Variants in FUT9 observed in about 807,000 individuals in gnomAD.
The protein encoded by FUT9 is 4-galactosyl-N-acetylglucosaminide 3-alpha-L-fucosyltransferase 9.
A neutral mutation model predicts 29.7 loss-of-function variants in FUT9; 15 were observed. The observed-to-expected ratio is 0.51, with a 90% confidence interval of 0.34 to 0.78. The LOEUF is 0.78. Ranked by LOEUF, FUT9 falls within the 30% of genes least tolerant of loss-of-function variation. The pLI is 0.01. For synonymous variants in FUT9, 169 were observed against 153.7 expected (o/e 1.10, Z -0.74); for missense variants, 319 against 425.4 (o/e 0.75, Z 2.20).
At chr6:96,084,038 C>A (rs1465846504) in intron 1 of FUT9, among the ~76,000 whole-genome samples, 1 of 152,006 alleles carries the variant, frequency 6.6e-6, no homozygotes, top group Non-Finnish European at 1.5e-5. Context: ...TCAGAATGTA[C>A]TTGTCAATTG....
At chr6:96,117,720 A>G (rs1007436374) in intron 2 of FUT9, among the ~76,000 whole-genome samples, 1 of 152,216 alleles carries the variant, frequency 6.6e-6, no homozygotes, top group African/African-American at 2.4e-5. Flanking sequence ...AACTTGTACC[A>G]CATCAAGAAG....
intron 1 of FUT9, among the ~76,000 whole-genome samples, chr6:96,085,945 T>A (rs1038181639): frequency 1.3e-5 from 2 of 152,188 alleles, no homozygotes; most frequent in African/African-American, 4.8e-5. Context: ...CTTGTGGGCC[T>A]ATATGAAAGT....
At chr6:96,043,305 G>GAAC (rs11446196) in intron 1 of FUT9, among the ~76,000 whole-genome samples, 2 of 151,690 alleles carry the variant, frequency 1.3e-5, no homozygotes, top group Non-Finnish European at 2.9e-5. Context: ...CTCGCCTCGG[G>GAAC]TCCCAAAGTG....
At chr6:96,060,982 A>G (rs1770864179) in intron 1 of FUT9, among the ~76,000 whole-genome samples, 3 of 152,160 alleles carry the variant, frequency 2.0e-5, no homozygotes, top group African/African-American at 7.2e-5. Flanking sequence ...GTTAGTTTTG[A>G]CAAAGCAAAT....
chr6:96,093,910 A>C (rs1562122382), intron 1 of FUT9, among the ~76,000 whole-genome samples: 1 of 152,164 alleles, frequency 6.6e-6, no homozygotes, highest in East Asian at 1.9e-4. Context: ...AGTCAAAAAT[A>C]AAATCCACAT....
At chr6:96,077,070 T>C (rs907652350) in intron 1 of FUT9, among the ~76,000 whole-genome samples, 10 of 152,174 alleles carry the variant, frequency 6.6e-5, no homozygotes, top group Admixed American at 5.2e-4. Context: ...TTCCCCCAGA[T>C]TGACACCTCA....
rs988909793 is a variant in FUT9, at chr6:96,213,147, G to A, written c.*8912G>A. The stretch of plus-strand genomic sequence containing the variant: ...ATGTGGCCATGTCACTACAAGGGGT[G>A]GGGAAGAAGTTAATGTGTAATTGCT... On this transcript the variant is annotated 3_prime_UTR_variant, in exon 3 of 3. Coordinates refer to ENST00000302103, the MANE Select transcript of FUT9 (RefSeq NM_006581.4). 4.2e-5 allele frequency: 7 copies of A among 166,810 alleles called. No individual in the cohort carries two copies. Among genetic ancestry groups the A allele is most frequent in the African/African-American group, 1.7e-4 (7 of 41,404 alleles). The allele number at this position is 166,810 out of a possible 1,614,324, so 10.3% of individuals were successfully genotyped here.
intron 2 of FUT9, among the ~76,000 whole-genome samples, chr6:96,175,573 T>C (rs563473873): frequency 2.2e-4 from 33 of 152,344 alleles, no homozygotes; most frequent in Middle Eastern, 3.4e-3. Flanking sequence ...TTAATGTAGA[T>C]TTAATAGGCA....
rs777328984 is a variant in FUT9 at position 96,204,044 on chromosome 6, G to A, written c.889G>A (p.Glu297Lys). Residue 297 changes from glutamate (E) to lysine (K), a missense_variant, in exon 3 of 3, where the codon GAG becomes AAG. By Grantham distance (56) the Glu-to-Lys change is moderately conservative. Transcript: ENST00000302103. ...TGTGGAAGATTATAACTCTCCCAGTGAGCTAGCAAAGTATCTGAAGGAAGT... is the reference window on the plus strand; with the variant it reads ...TGTGGAAGATTATAACTCTCCCAGTAAGCTAGCAAAGTATCTGAAGGAAGT... ...IHVEDYNSPS[E>K]LAKYLKEVDK... 6.3e-7 allele frequency: 1 copy of A among 1,583,812 alleles called. No homozygotes were observed. Among genetic ancestry groups the A allele is most frequent in the East Asian group, 2.2e-5 (1 of 44,480 alleles).
chr6:96,042,264 C>T (rs951570183), intron 1 of FUT9, among the ~76,000 whole-genome samples: 1 of 152,174 alleles, frequency 6.6e-6, no homozygotes, highest in South Asian at 2.1e-4. Flanking sequence ...AAACCCTAAC[C>T]TTAAATATAA....
rs989822927 is a variant in FUT9, at chr6:96,203,764, C to G, written c.609C>G (p.Val203=). The change falls in exon 3 of 3, where the codon GTC becomes GTG. Residue 203 remains valine, a synonymous_variant. Transcript: ENST00000302103. ...ACTGGAACCCTGAGCATGCCAGAGT[C>G]AAGTATTACAATGAGCTAAGCAAAA... The part of the protein sequence containing the change: ...VSNWNPEHAR[V]KYYNELSKSI... 5 of 1,613,870 alleles carry G rather than the reference C, an allele frequency of 3.1e-6. No homozygotes were observed. Among genetic ancestry groups the G allele is most frequent in the Admixed American group, 1.7e-5 (1 of 59,922 alleles).
At chr6:96,101,176 T>A (rs757859776) in intron 1 of FUT9, among the ~76,000 whole-genome samples, 2 of 152,228 alleles carry the variant, frequency 1.3e-5, no homozygotes, top group Non-Finnish European at 1.5e-5. Flanking sequence ...TGTGTGGGCA[T>A]GTTTGTGTGG....
At chr6:96,176,628 T>A (rs1384953075) in intron 2 of FUT9, among the ~76,000 whole-genome samples, 2 of 152,164 alleles carry the variant, frequency 1.3e-5, no homozygotes, top group African/African-American at 4.8e-5. Flanking sequence ...CCAGATATTC[T>A]CTCCTTTCAC....
rs147874290 is a variant in FUT9, at chr6:96,188,200, A to C, written c.-8-14948A>C. ...CATAAAATAAATTTTCATTCATATAATTCATAGAAGTCTTTGCAACTGTTA... is the reference window on the plus strand; with the variant it reads ...CATAAAATAAATTTTCATTCATATACTTCATAGAAGTCTTTGCAACTGTTA... On this transcript the variant is annotated intron_variant, in intron 2 of 2. Coordinates refer to ENST00000302103, the MANE Select transcript of FUT9 (RefSeq NM_006581.4). Among the ~76,000 whole-genome samples, 470 of 152,214 alleles carry C rather than the reference A, an allele frequency of 3.1e-3. 1 individual carries two copies. The highest frequency in any genetic ancestry group is 0.01 in the African/African-American group (416 of 41,550).
At chr6:96,159,240 G>A (rs1772850198) in intron 2 of FUT9, among the ~76,000 whole-genome samples, 1 of 111,288 alleles carries the variant, frequency 9.0e-6, no homozygotes, top group South Asian at 2.3e-4. Context: ...AAAGACAGGA[G>A]TAGATGTGAA....
chr6:96,044,679 A>C (rs992301156), intron 1 of FUT9, among the ~76,000 whole-genome samples: 2 of 152,176 alleles, frequency 1.3e-5, no homozygotes, highest in Admixed American at 6.5e-5. Context: ...AGCTGAAATT[A>C]CATTATTTAG....
At chr6:96,156,059 A>T (rs2127978251) in intron 2 of FUT9, among the ~76,000 whole-genome samples, 1 of 152,334 alleles carries the variant, frequency 6.6e-6, no homozygotes, top group Admixed American at 6.5e-5. Context: ...TCATAGAAGT[A>T]ATAGTTATTT....
At chr6:96,120,582 C>G (rs1313504808) in intron 2 of FUT9, among the ~76,000 whole-genome samples, 1 of 132,130 alleles carries the variant, frequency 7.6e-6, no homozygotes, top group Non-Finnish European at 1.5e-5. Flanking sequence ...CGTGCCTGGG[C>G]AAGACCACCT....
At chr6:96,097,716 C>T (rs1007338818) in intron 1 of FUT9, among the ~76,000 whole-genome samples, 10 of 152,114 alleles carry the variant, frequency 6.6e-5, no homozygotes, top group Non-Finnish European at 1.2e-4. Context: ...CTCTGTCTTC[C>T]CTATGGGATA....
Sources: allele counts gnomAD v4.1 joint callset (sites outside exome capture counted in the v4.1 genomes callset), GRCh38; gene constraint gnomAD v4.1.1; transcripts MANE v1.5; gene names NCBI Gene and HGNC (gene_info 2026-07-23, HGNC 2026-07-21).